The following ADNP variants were observed in gnomAD, a reference collection of about 807,000 sequenced individuals.
ADNP encodes activity dependent neuroprotector homeobox, also known as activity-dependent neuroprotector homeobox protein.
ADNP carries 4 observed loss-of-function variants against 84.9 expected under a neutral mutation model. The observed-to-expected ratio is 0.05, with a 90% CI of 0.02 to 0.11. The LOEUF is 0.11. Among genes scored for constraint, ADNP ranks in the 10% least tolerant of loss-of-function variants. The probability of loss-of-function intolerance (pLI) is 1.00; values close to 1 mark genes in which losing one functional copy is unlikely to be tolerated. For missense variants in ADNP, 1,132 were observed against 1,326.0 expected, an observed-to-expected ratio of 0.85 and a Z score of 2.27; for synonymous variants, 554 against 468.1, an observed-to-expected ratio of 1.18 and a Z score of -2.37.
Position 50,924,000 on chromosome 20 carries a change from CAA to C in ADNP, c.-90+4649_-90+4650del, listed in dbSNP as rs1600995063. ...ATATTTCCACTAGACAGGAGTTTCT[CAA>C]AAGAGACCACTCAAAAGGTTCTCAG... On this transcript the variant is annotated intron_variant, in intron 2 of 5. Coordinates refer to ENST00000621696, the MANE Select transcript of ADNP (RefSeq NM_001282531.3). Among the ~76,000 whole-genome samples the C allele has an allele frequency of 2.6e-5, 4 of 152,192 alleles. No individual in the cohort carries two copies. The East Asian group carries it at 7.7e-4, about 29-fold the overall frequency.
rs776823194 is a variant in ADNP, at chr20:50,919,287, A to ACATATATATATATATATATATATAT, written c.-90+9363_-90+9364insATATATATATATATATATATATATG. Among the ~76,000 whole-genome samples the ACATATATATATATATATATATATAT allele has an allele frequency of 1.7e-4, 22 of 128,054 alleles. 1 individual carries two copies. The highest frequency in any genetic ancestry group is 4.5e-4 in the African/African-American group (12 of 26,822). The allele number at this position is 128,054 out of a possible 152,430, so 84.0% of individuals were successfully genotyped here. A position where few individuals can be genotyped will look rare whatever the true frequency, so the allele number is the denominator to read the frequency against. On this transcript the variant is annotated intron_variant, in intron 2 of 5. Coordinates refer to ENST00000621696, the MANE Select transcript of ADNP (RefSeq NM_001282531.3). ...CCAGCCTGAAAAAATACATATATTT[A>ACATATATATATATATATATATATAT]AGTGTATATATATATATATATATAT... is the stretch of plus-strand genomic sequence containing the variant.
chr20:50,908,881 C>G (rs917486604), intron 2 of ADNP, among the ~76,000 whole-genome samples: 4 of 152,098 alleles, frequency 2.6e-5, no homozygotes, highest in Non-Finnish European at 4.4e-5. Flanking sequence ...AAGAAATTGT[C>G]TCTGCCTGAA....
intron 2 of ADNP, among the ~76,000 whole-genome samples, chr20:50,919,926 C>T (rs1466824167): frequency 1.3e-5 from 2 of 151,992 alleles, no homozygotes; most frequent in East Asian, 3.9e-4. Flanking sequence ...TGGTAGGCAC[C>T]GAGGAGATGC....
At chr20:50,915,599 C>T (rs1983448467) in intron 2 of ADNP, among the ~76,000 whole-genome samples, 1 of 152,100 alleles carries the variant, frequency 6.6e-6, no homozygotes, top group Non-Finnish European at 1.5e-5. Context: ...AGAAAGGCAG[C>T]TCTGATGCCT....
chr20:50,894,018 G>A lies in ADNP; in HGVS notation c.696C>T (p.Ser232=), dbSNP rs750679414. Residue 232 remains serine (S), a synonymous_variant, in exon 6 of 6, where the codon TCC becomes TCT. Transcript: ENST00000621696. ...HCKRCLFMPK[S]YEALVQHVIE... is the part of the protein sequence containing the mutation. ...TGACATGCTGTACCAAAGCTTCATA[G>A]GACTTTGGCATGAAAAGGCATCGCT... The A allele has an allele frequency of 1.2e-6, 2 of 1,614,172 alleles. No individual in the cohort carries two copies. Among genetic ancestry groups the A allele is most frequent in the Non-Finnish European group, 1.7e-6 (2 of 1,180,028 alleles).
At chr20:50,925,828 C>G (rs566238300) in intron 2 of ADNP, among the ~76,000 whole-genome samples, 3 of 152,206 alleles carry the variant, frequency 2.0e-5, no homozygotes, top group Non-Finnish European at 2.9e-5. Context: ...GGGCTGGGAG[C>G]GGTGGCTCAC....
rs1209316887 is a variant in ADNP at position 50,930,830 on chromosome 20, A to T, written c.-269T>A. Reference sequence around the variant, plus strand: ...GCGCGGCGGCGCCGGGCTTACCTTGACTCGGCCTCGAGGCGCGCGCGGGGC... The same window carrying T: ...GCGCGGCGGCGCCGGGCTTACCTTGTCTCGGCCTCGAGGCGCGCGCGGGGC... On this transcript the variant is annotated 5_prime_UTR_variant, in exon 1 of 6. Transcript: ENST00000621696. 2.7e-5 allele frequency: 4 copies of T among 146,186 alleles called. No homozygotes were observed. Among genetic ancestry groups the T allele is most frequent in the Non-Finnish European group, 4.6e-5 (3 of 65,798 alleles). 9.1% of individuals were successfully genotyped at this position (146,186 alleles called of 1,614,324 possible).
Position 50,900,661 on chromosome 20 carries a change from G to A in ADNP, c.201+1356C>T, listed in dbSNP as rs569881058. 3.3e-5 allele frequency among the ~76,000 whole-genome samples: 5 copies of A among 152,214 alleles called. No homozygotes were observed. The South Asian group carries it at 6.2e-4, about 19-fold the overall frequency. Reference sequence around the variant, plus strand: ...ATGTCGTTATGTGGTGAATGACTGCGGTAAAATTCAGGGCCCACGATGTTT... The same window carrying A: ...ATGTCGTTATGTGGTGAATGACTGCAGTAAAATTCAGGGCCCACGATGTTT... On this transcript the variant is annotated intron_variant, in intron 5 of 5. Transcript: ENST00000621696.
At chr20:50,915,413 T>C (rs1443398398) in intron 2 of ADNP, among the ~76,000 whole-genome samples, 2 of 152,238 alleles carry the variant, frequency 1.3e-5, no homozygotes, top group Non-Finnish European at 2.9e-5. Flanking sequence ...GTTTATATAT[T>C]TGCATTTTAA....
intron 4 of ADNP, among the ~76,000 whole-genome samples, chr20:50,902,754 CATAA>C (rs1226266180): frequency 1.3e-5 from 2 of 152,142 alleles, no homozygotes; most frequent in Non-Finnish European, 2.9e-5. Flanking sequence ...GAAGTCTACA[CATAA>C]ATAATCATAG....
chr20:50,896,767 CAGA>C (rs61505239), intron 5 of ADNP, among the ~76,000 whole-genome samples: 13,845 of 152,156 alleles, frequency 0.091, 678 homozygotes, highest in Middle Eastern at 0.13. Flanking sequence ...TGGATAACTG[CAGA>C]AGGACCTGCC....
chr20:50,904,144 G>C, intron 3 of ADNP, 143 bp from the exon 4 acceptor site: 1 of 619,522 alleles, frequency 1.6e-6, no homozygotes, highest in Non-Finnish European at 2.8e-6. Context: ...TACACACACA[G>C]ACACACACCT....
Position 50,892,999 on chromosome 20 carries a change from C to T in ADNP, c.1715G>A (p.Arg572Lys), listed in dbSNP as rs751935323. 1.9e-6 allele frequency: 3 copies of T among 1,614,186 alleles called. No homozygotes were observed. The highest frequency in any genetic ancestry group is 1.1e-5 in the South Asian group (1 of 91,084). The change falls in exon 6 of 6, where the codon AGG becomes AAG. Residue 572 changes from arginine to lysine, a missense_variant. Transcript: ENST00000621696. ...AGCAACAGATTCAGCTGGGGCATCC[C>T]TCAGATTGTATGTAGTTACCAGGAG... ...IHLLVTTYNL[R>K]DAPAESVAYH... is the part of the protein sequence containing the mutation.
chr20:50,925,142 C>T (rs2122999315), intron 2 of ADNP, among the ~76,000 whole-genome samples: 1 of 152,074 alleles, frequency 6.6e-6, no homozygotes, highest in African/African-American at 2.4e-5. Context: ...TGACAGGACC[C>T]AGGACTAAAA....
At chr20:50,927,254 T>C (rs905103601) in intron 2 of ADNP, among the ~76,000 whole-genome samples, 3 of 152,126 alleles carry the variant, frequency 2.0e-5, no homozygotes, top group African/African-American at 7.2e-5. Context: ...ATGTATAAAA[T>C]CAATGACTTC....
chr20:50,908,591 G>A (rs1026846314), intron 2 of ADNP, among the ~76,000 whole-genome samples: 6 of 151,912 alleles, frequency 3.9e-5, no homozygotes, highest in Non-Finnish European at 8.8e-5. Flanking sequence ...TGGCTAACAT[G>A]GTGAAACCCC....
chr20:50,927,535 C>G (rs555984795), intron 2 of ADNP, among the ~76,000 whole-genome samples: 38 of 151,236 alleles, frequency 2.5e-4, no homozygotes, highest in African/African-American at 9.0e-4. Flanking sequence ...ACTATAAATT[C>G]CAGTCTTCAA....
chr20:50,923,868 C>G (rs1181744842), intron 2 of ADNP, among the ~76,000 whole-genome samples: 5 of 152,194 alleles, frequency 3.3e-5, no homozygotes, highest in Admixed American at 3.3e-4. Context: ...ATTCTGAGCA[C>G]TTCTTGCATT....
chr20:50,924,735 AAC>A (rs1227832683), intron 2 of ADNP, among the ~76,000 whole-genome samples: 4 of 152,196 alleles, frequency 2.6e-5, no homozygotes, highest in Admixed American at 2.6e-4. Context: ...GTGACATATA[AAC>A]ACAACCCACA....
Sources: gnomAD v4.1 joint callset for allele counts (sites outside exome capture counted in the v4.1 genomes callset) on GRCh38, gnomAD v4.1.1 for gene constraint, MANE v1.5 for transcripts, NCBI Gene and HGNC (gene_info 2026-07-23, HGNC 2026-07-21) for gene names.